The following UNC5A variants were observed in gnomAD, a reference collection of about 807,000 sequenced individuals.
UNC5A encodes the protein netrin receptor UNC5A.
UNC5A carries 20 observed loss-of-function variants against 87.4 expected under a neutral mutation model. That is an observed-to-expected ratio of 0.23 (90% CI 0.16 to 0.33). The LOEUF (loss-of-function observed/expected upper bound fraction) is 0.33. UNC5A is among the 10% of genes least tolerant of loss of function. UNC5A has a pLI of 1.00. For synonymous variants in UNC5A, 438 were observed against 482.3 expected (o/e 0.91, Z 1.20); for missense variants, 844 against 1,133.4 (o/e 0.74, Z 3.67).
In UNC5A at chr5:176,874,199, C is replaced by G. The variant is rs774160384; in HGVS notation, c.1075+43C>G. ...CCCAGCACTCCTGCCCCAGCTCCCACGCCAAGGGCTGCTGGGGCAGGGATG... is the reference window on the plus strand; with the variant it reads ...CCCAGCACTCCTGCCCCAGCTCCCAGGCCAAGGGCTGCTGGGGCAGGGATG... On this transcript the variant is annotated intron_variant, in intron 7 of 14. Transcript: ENST00000329542. The surrounding 1 kb of genome is among the most constrained non-coding windows in gnomAD (Gnocchi z 7.6). 1 of 1,601,370 alleles carries G rather than the reference C, an allele frequency of 6.2e-7. No homozygotes were observed. Among genetic ancestry groups the G allele is most frequent in the African/African-American group, 1.3e-5 (1 of 74,636 alleles).
chr5:176,860,363 C>T (rs1307488017), intron 1 of UNC5A, among the ~76,000 whole-genome samples: 1 of 152,198 alleles, frequency 6.6e-6, no homozygotes, highest in African/African-American at 2.4e-5. Flanking sequence ...CAGCACCCAT[C>T]CCACACCCCC....
chr5:176,850,391 G>C (rs1757514476), intron 1 of UNC5A, among the ~76,000 whole-genome samples: 1 of 152,144 alleles, frequency 6.6e-6, no homozygotes. Context: ...ACTGAGCTAG[G>C]AGGTAGCCAA....
intron 1 of UNC5A, among the ~76,000 whole-genome samples, chr5:176,836,505 G>A (rs574804028): frequency 6.6e-6 from 1 of 152,188 alleles, no homozygotes; most frequent in Non-Finnish European, 1.5e-5. Flanking sequence ...ACGACAGTGT[G>A]TAGGCACCTG....
At chr5:176,817,871 G>T (rs1274827935) in intron 1 of UNC5A, among the ~76,000 whole-genome samples, 1 of 151,864 alleles carries the variant, frequency 6.6e-6, no homozygotes, top group Non-Finnish European at 1.5e-5. Context: ...GGGCAGCCGG[G>T]CGCGGGGTAA....
At chr5:176,830,385 G>A (rs544834369) in intron 1 of UNC5A, among the ~76,000 whole-genome samples, 9 of 149,428 alleles carry the variant, frequency 6.0e-5, no homozygotes, top group Non-Finnish European at 9.0e-5. Context: ...TGTGTTGTGC[G>A]TGTGTGTGCT....
In UNC5A at chr5:176,838,688, C is replaced by A. The variant is rs1757200223; in HGVS notation, c.71-23936C>A. ...CAGGGCATCCCCTAACATCTCTACA[C>A]TCTCCCTGTCTTGGTACTGGGATGA... On this transcript the variant is annotated intron_variant, in intron 1 of 14. Transcript: ENST00000329542. This position sits in a 1 kb window ranked among gnomAD's most constrained non-coding sequence, Gnocchi z 4.2. Among the ~76,000 whole-genome samples, 1 of 152,236 alleles carries A rather than the reference C, an allele frequency of 6.6e-6. No homozygotes were observed. Among genetic ancestry groups the A allele is most frequent in the South Asian group, 2.1e-4 (1 of 4,834 alleles).
At chr5:176,868,025 A>G in intron 2 of UNC5A, 105 bp from the exon 3 acceptor site, 1 of 968,466 alleles carries the variant, frequency 1.0e-6, no homozygotes, top group South Asian at 2.6e-5. Flanking sequence ...AACAAAGTCC[A>G]CTCCCTTGCC....
chr5:176,880,170 G>A lies in UNC5A; in HGVS notation c.*284G>A. The A allele has an allele frequency of 2.5e-6, 1 of 401,004 alleles. No homozygotes were observed. The highest frequency in any genetic ancestry group is 4.6e-6 in the Non-Finnish European group (1 of 218,962). The allele number at this position is 401,004 out of a possible 1,614,324, so 24.8% of individuals were successfully genotyped here. A position where few individuals can be genotyped will look rare whatever the true frequency, so the allele number is the denominator to read the frequency against. The stretch of plus-strand genomic sequence containing the variant: ...GCCCAGCCCATCTGTGTGTGTGTAT[G>A]TGCGTGTGATGCTACCTCTCCTCCC... On this transcript the variant is annotated 3_prime_UTR_variant, in exon 15 of 15. Coordinates refer to ENST00000329542, the MANE Select transcript of UNC5A (RefSeq NM_133369.3).
At chr5:176,837,885 C>G (rs940581218) in intron 1 of UNC5A, among the ~76,000 whole-genome samples, 1 of 152,166 alleles carries the variant, frequency 6.6e-6, no homozygotes, top group Admixed American at 6.5e-5. Flanking sequence ...TCTGCGGACT[C>G]GGCTTCCTAA....
intron 2 of UNC5A, chr5:176,864,997 C>A (rs1253368107): frequency 1.1e-5 from 4 of 358,692 alleles, no homozygotes; most frequent in Admixed American, 3.6e-5. Context: ...TCCCTCCCCT[C>A]CCTGGGCTCA....
chr5:176,861,494 C>T (rs1444182492), intron 1 of UNC5A, among the ~76,000 whole-genome samples: 1 of 152,220 alleles, frequency 6.6e-6, no homozygotes, highest in Non-Finnish European at 1.5e-5. Flanking sequence ...GAGAGGGTCC[C>T]TGCGCAAGCA....
In UNC5A at chr5:176,844,119, A is replaced by G. The variant is rs1264540326; in HGVS notation, c.71-18505A>G. On this transcript the variant is annotated intron_variant, in intron 1 of 14. Coordinates refer to ENST00000329542, the MANE Select transcript of UNC5A (RefSeq NM_133369.3). This position sits in a 1 kb window ranked among gnomAD's most constrained non-coding sequence, Gnocchi z 4.2. ...GACATGGAAACGAGTGGAGGGCTGG[A>G]GAGAGTTCAGCAAACGGGGCTTTTT... Among the ~76,000 whole-genome samples the G allele has an allele frequency of 1.3e-5, 2 of 152,220 alleles. No individual in the cohort carries two copies. The highest frequency in any genetic ancestry group is 1.3e-4 in the Admixed American group (2 of 15,286).
intron 5 of UNC5A, among the ~76,000 whole-genome samples, 189 bp from the exon 6 acceptor site, chr5:176,870,181 T>C (rs1335393184): frequency 6.6e-6 from 1 of 152,168 alleles, no homozygotes; most frequent in Non-Finnish European, 1.5e-5. Context: ...TCCCTGTCAT[T>C]AGCATGCGTC....
chr5:176,813,413 G>A (rs766942832), intron 1 of UNC5A, among the ~76,000 whole-genome samples: 4 of 152,222 alleles, frequency 2.6e-5, no homozygotes, highest in Non-Finnish European at 5.9e-5. Context: ...GGACTCGTCT[G>A]TCCACCCCGA....
intron 1 of UNC5A, among the ~76,000 whole-genome samples, chr5:176,811,964 C>T (rs1269861731): frequency 6.6e-5 from 10 of 152,088 alleles, no homozygotes; most frequent in Admixed American, 6.5e-4. Context: ...TGATTGAGGC[C>T]GATGGCTGTT....
chr5:176,878,664 G>T (rs766457737), intron 13 of UNC5A, 25 bp downstream of exon 13: 5 of 1,596,498 alleles, frequency 3.1e-6, no homozygotes, highest in Non-Finnish European at 4.3e-6. Flanking sequence ...CTGCCGCACC[G>T]CCGTGACGTG....
rs1306224936 is a variant in UNC5A at position 176,866,806 on chromosome 5, C to T, written c.293-1324C>T. Among the ~76,000 whole-genome samples, 1 of 152,178 alleles carries T rather than the reference C, an allele frequency of 6.6e-6. No individual in the cohort carries two copies. Among genetic ancestry groups the T allele is most frequent in the African/African-American group, 2.4e-5 (1 of 41,450 alleles). ...ACCCCACCCCCTGAGAGTGTCCACA[C>T]TGGGTGTCTTAGAGAACGGGGCAGG... On this transcript the variant is annotated intron_variant, in intron 2 of 14. Coordinates refer to ENST00000329542, the MANE Select transcript of UNC5A (RefSeq NM_133369.3). The surrounding 1 kb of genome is among the most constrained non-coding windows in gnomAD (Gnocchi z 5.0).
intron 1 of UNC5A, among the ~76,000 whole-genome samples, chr5:176,830,444 TGTGTGTGTGTTGTGC>T (rs1561643869): frequency 6.7e-6 from 1 of 148,918 alleles, no homozygotes; most frequent in Non-Finnish European, 1.5e-5. Flanking sequence ...CTGGCATGTG[TGTGTGTGTGTTGTGC>T]GTGTGTGTGT....
intron 1 of UNC5A, among the ~76,000 whole-genome samples, chr5:176,818,770 T>C (rs1756656597): frequency 6.6e-6 from 1 of 152,192 alleles, no homozygotes; most frequent in South Asian, 2.1e-4. Flanking sequence ...ATTCTCTGTG[T>C]GGCCTCAAGT....
Sources: allele counts gnomAD v4.1 joint callset (sites outside exome capture counted in the v4.1 genomes callset), GRCh38; gene constraint gnomAD v4.1.1; non-coding constraint Gnocchi (gnomAD v3.1); transcripts MANE v1.5; gene names NCBI Gene and HGNC (gene_info 2026-07-23, HGNC 2026-07-21).